NWD1: variants seen among roughly 807,000 people sequenced by gnomAD.
The protein encoded by NWD1 is NACHT and WD repeat domain containing 1, also known as NACHT domain- and WD repeat-containing protein 1.
Under a neutral mutation model 135.1 loss-of-function variants are expected in NWD1, and 129 were observed. The ratio of observed to expected loss-of-function variants is 0.96; its 90% CI spans 0.83 to 1.11. NWD1 has a LOEUF of 1.11. Ranked by LOEUF, NWD1 falls within the 50% of genes least tolerant of loss-of-function variation. The pLI, the probability that NWD1 is intolerant of heterozygous loss-of-function variation, is 0.00. For missense variants in NWD1, 1,740 were observed against 1,851.3 expected, an observed-to-expected ratio of 0.94 and a Z score of 1.10; for synonymous variants, 773 against 786.0, an observed-to-expected ratio of 0.98 and a Z score of 0.28.
intron 11 of NWD1, among the ~76,000 whole-genome samples, chr19:16,776,383 C>T (rs577263810): frequency 5.1e-4 from 77 of 152,002 alleles, no homozygotes; most frequent in African/African-American, 1.7e-3. Context: ...GCCTGGCCTA[C>T]ATGGTGAAAC....
At chr19:16,799,027 C>A (rs578221721) in intron 16 of NWD1, among the ~76,000 whole-genome samples, 7 of 151,942 alleles carry the variant, frequency 4.6e-5, no homozygotes, top group Non-Finnish European at 5.9e-5. Flanking sequence ...TTACAGGGCA[C>A]CCTCCAGGAG....
At chr19:16,807,486 C>A in intron 17 of NWD1, 100 bp from the exon 18 acceptor site, 1 of 921,870 alleles carries the variant, frequency 1.1e-6, no homozygotes, top group Non-Finnish European at 1.7e-6. Context: ...GAGTGAGACT[C>A]CATCTCAAAA....
intron 5 of NWD1, chr19:16,745,102 CT>C (rs1754398065): frequency 2.1e-6 from 1 of 466,446 alleles, no homozygotes; most frequent in Non-Finnish European, 4.3e-6. Flanking sequence ...ACAATCATGG[CT>C]GAAGGCAAAG....
chr19:16,779,345 A>T lies in NWD1; in HGVS notation c.2611A>T (p.Ile871Phe). 1 of 1,613,906 alleles carries T rather than the reference A, an allele frequency of 6.2e-7. No homozygotes were observed. Among genetic ancestry groups the T allele is most frequent in the Non-Finnish European group, 8.5e-7 (1 of 1,179,996 alleles). ...CTGTTGCCTCTGTGTGGCTGCAGGC[A>T]TCACCGCCATGGCATGGGGTGTGGA... ...RATLSGCHKGITAMAWGVEEK... is the reference protein window; with the variant it reads ...RATLSGCHKGFTAMAWGVEEK... The change falls in exon 12 of 19, where the codon ATC becomes TTC. Residue 871 changes from isoleucine to phenylalanine, a missense_variant and splice_region_variant. By Grantham distance (21) the Ile-to-Phe change is conservative. Transcript: ENST00000524140.
rs1008291274 is a variant in NWD1, at chr19:16,722,295, C to CT, written c.-105+2015dup. Among the ~76,000 whole-genome samples the CT allele has an allele frequency of 3.9e-3, 546 of 140,906 alleles. 1 individual carries two copies. The highest frequency in any genetic ancestry group is 8.4e-3 in the African/African-American group (326 of 38,924). The allele number at this position is 140,906 out of a possible 152,430, so 92.4% of individuals were successfully genotyped here. ...GCCTGGGCGACAGAGCAAGACTTGA[C>CT]TTTTTTTTTTTTTGAGACGGTCTTG... On this transcript the variant is annotated intron_variant, in intron 1 of 18. Coordinates refer to ENST00000524140, the MANE Select transcript of NWD1 (RefSeq NM_001007525.5).
rs146692736 is a variant in NWD1, at chr19:16,769,332, C to T, written c.2411-3794C>T. 2.6e-3 allele frequency among the ~76,000 whole-genome samples: 395 copies of T among 152,036 alleles called. 2 individuals are homozygous for T. Among genetic ancestry groups the T allele is most frequent in the African/African-American group, 8.9e-3 (370 of 41,466 alleles). ...CAAAAATTAGCCAGGCACGGTAGCA[C>T]GCACCTGTAATCCCAGTTACTCGGG... On this transcript the variant is annotated intron_variant, in intron 10 of 18. Coordinates refer to ENST00000524140, the MANE Select transcript of NWD1 (RefSeq NM_001007525.5).
intron 12 of NWD1, among the ~76,000 whole-genome samples, chr19:16,787,109 A>G (rs1327497065): frequency 6.6e-6 from 1 of 152,026 alleles, no homozygotes; most frequent in Non-Finnish European, 1.5e-5. Context: ...CTTAGCAAAT[A>G]GCTCTCTAAG....
intron 16 of NWD1, among the ~76,000 whole-genome samples, chr19:16,798,853 C>G (rs1970505070): frequency 6.6e-6 from 1 of 152,000 alleles, no homozygotes; most frequent in Admixed American, 6.6e-5. Context: ...TCTCAAACTC[C>G]TGACCTCAGG....
intron 18 of NWD1, among the ~76,000 whole-genome samples, chr19:16,811,063 A>G (rs1408814199): frequency 6.6e-6 from 1 of 152,098 alleles, no homozygotes; most frequent in East Asian, 1.9e-4. Context: ...ACAGGGTTTC[A>G]CCCACCCACC....
intron 6 of NWD1, among the ~76,000 whole-genome samples, chr19:16,756,184 G>A (rs757272634): frequency 2.6e-5 from 4 of 152,068 alleles, no homozygotes; most frequent in Admixed American, 6.6e-5. Flanking sequence ...CCTGGGAGGC[G>A]GAGGTTGCAG....
chr19:16,807,816 C>T lies in NWD1; in HGVS notation c.3967C>T (p.Leu1323=). ...GGCCATCGCCTATGACAACATCGTC[C>T]TGGTGCTGGACATCACCTCCGGGGA... The part of the protein sequence containing the change: ...RLAIAYDNIV[L]VLDITSGDPC... The change falls in exon 18 of 19, where the codon CTG becomes TTG. Residue 1323 remains leucine (L), a synonymous_variant. Coordinates refer to ENST00000524140, the MANE Select transcript of NWD1 (RefSeq NM_001007525.5). 6.2e-7 allele frequency: 1 copy of T among 1,614,196 alleles called. No individual in the cohort carries two copies. The highest frequency in any genetic ancestry group is 8.5e-7 in the Non-Finnish European group (1 of 1,180,034).
Position 16,749,499 on chromosome 19 carries a change from C to A in NWD1, c.857C>A (p.Thr286Lys). The A allele has an allele frequency of 6.2e-7, 1 of 1,610,916 alleles. No homozygotes were observed. The highest frequency in any genetic ancestry group is 8.5e-7 in the Non-Finnish European group (1 of 1,177,414). ...QVLTRLRELD[T>K]AGQELAWLYQ... ...CTCACACGCCTCCGTGAGCTGGATA[C>A]GGCCGGACAGGAGTTGGCGTGGCTC... Residue 286 changes from threonine (T) to lysine (K), a missense_variant, in exon 6 of 19, where the codon ACG becomes AAG. By Grantham distance (78) the Thr-to-Lys change is moderately conservative (BLOSUM62 -1). Coordinates refer to ENST00000524140, the MANE Select transcript of NWD1 (RefSeq NM_001007525.5).
chr19:16,783,815 C>T (rs1969945274), intron 12 of NWD1, among the ~76,000 whole-genome samples: 1 of 152,012 alleles, frequency 6.6e-6, no homozygotes, highest in South Asian at 2.1e-4. Flanking sequence ...TAAACATGGA[C>T]AGACCTTTAT....
intron 3 of NWD1, among the ~76,000 whole-genome samples, chr19:16,735,799 A>G (rs1967772830): frequency 5.5e-5 from 2 of 36,554 alleles, no homozygotes; most frequent in African/African-American, 1.6e-4. Flanking sequence ...CACTGGAAGG[A>G]AGGAAGGAAG....
chr19:16,785,851 A>G (rs1292807796), intron 12 of NWD1, among the ~76,000 whole-genome samples: 1 of 150,378 alleles, frequency 6.6e-6, no homozygotes, highest in African/African-American at 2.4e-5. Flanking sequence ...TTTTGTGTCC[A>G]TTGACTCTTT....
chr19:16,771,816 A>G (rs1053019891), intron 10 of NWD1, among the ~76,000 whole-genome samples: 2 of 149,140 alleles, frequency 1.3e-5, no homozygotes, highest in Non-Finnish European at 1.5e-5. Context: ...AAATGATCCA[A>G]CGCGATCACG....
intron 18 of NWD1, among the ~76,000 whole-genome samples, chr19:16,810,681 T>G (rs1970899559): frequency 6.6e-6 from 1 of 151,884 alleles, no homozygotes; most frequent in African/African-American, 2.4e-5. Context: ...GAGGATCGAT[T>G]GAGCCCTGGA....
intron 15 of NWD1, among the ~76,000 whole-genome samples, chr19:16,796,272 A>T (rs145134407): frequency 1.3e-5 from 2 of 152,078 alleles, no homozygotes; most frequent in East Asian, 3.9e-4. Context: ...TGAACTTCTG[A>T]TGATCATGGT....
At chr19:16,731,357 A>G (rs1466536897) in intron 3 of NWD1, 79 bp downstream of exon 3, 18 of 841,942 alleles carry the variant, frequency 2.1e-5, no homozygotes, top group Non-Finnish European at 3.4e-5. Context: ...GCCAGGCTGG[A>G]GTGCAGTGGT....
Sources: allele counts gnomAD v4.1 joint callset (sites outside exome capture counted in the v4.1 genomes callset), GRCh38; gene constraint gnomAD v4.1.1; transcripts MANE v1.5; gene names NCBI Gene and HGNC (gene_info 2026-07-23, HGNC 2026-07-21).